Variants in SCNN1B observed in about 807,000 individuals in gnomAD.
SCNN1B encodes the protein epithelial sodium channel subunit beta.
Under a neutral mutation model 65.3 loss-of-function variants are expected in SCNN1B, and 46 were observed. The observed-to-expected ratio is 0.70, with a 90% CI of 0.56 to 0.90. The LOEUF (loss-of-function observed/expected upper bound fraction) is 0.90. SCNN1B is among the 40% of genes least tolerant of loss of function. The pLI, the probability that SCNN1B is intolerant of heterozygous loss-of-function variation, is 0.00. For synonymous variants in SCNN1B, 349 were observed against 330.6 expected (o/e 1.06, Z -0.60); for missense variants, 751 against 830.5 (o/e 0.90, Z 1.18).
At chr16:23,333,135 GAGGAAGGAAGGAAAGA>G (rs1476903623) in intron 1 of SCNN1B, among the ~76,000 whole-genome samples, 12 of 88,216 alleles carry the variant, frequency 1.4e-4, no homozygotes, top group East Asian at 1.0e-3. Flanking sequence ...GGGAGGGAGG[GAGGAAGGAAGGAAAGA>G]AGGAAGGAAG....
chr16:23,331,320 A>G (rs1286417131), intron 1 of SCNN1B, among the ~76,000 whole-genome samples: 1 of 144,598 alleles, frequency 6.9e-6, no homozygotes, highest in Non-Finnish European at 1.5e-5. Context: ...AGCTTTTCCT[A>G]GTCACTTTTT....
intron 1 of SCNN1B, among the ~76,000 whole-genome samples, chr16:23,333,748 G>A (rs1217930759): frequency 6.6e-6 from 1 of 152,156 alleles, no homozygotes; most frequent in Non-Finnish European, 1.5e-5. Flanking sequence ...AAGGTGGGGG[G>A]ATTGCTTGAG....
chr16:23,290,045 A>G (rs1407839246), intron 2 of SCNN1B, among the ~76,000 whole-genome samples: 1 of 152,166 alleles, frequency 6.6e-6, no homozygotes, highest in East Asian at 1.9e-4. Flanking sequence ...AGGCTGGGGG[A>G]AAACAACAGA....
At chr16:23,318,072 T>C (rs985986033) in intron 1 of SCNN1B, among the ~76,000 whole-genome samples, 13 of 152,246 alleles carry the variant, frequency 8.5e-5, no homozygotes, top group African/African-American at 3.1e-4. Context: ...CCAGGTTTGC[T>C]GCCCAAGGCT....
chr16:23,370,452 A>T (rs141231076), intron 5 of SCNN1B, among the ~76,000 whole-genome samples: 127 of 152,306 alleles, frequency 8.3e-4, no homozygotes, highest in African/African-American at 3.0e-3. Flanking sequence ...CCCCGCAGGT[A>T]GCAAGTGCTC....
chr16:23,352,956 G>A lies in SCNN1B; in HGVS notation c.467G>A (p.Arg156Gln), dbSNP rs765336896. Residue 156 changes from arginine (R) to glutamine (Q), a missense_variant, in exon 3 of 13, where the codon CGG (arginine) becomes CAG (glutamine). By Grantham distance (43) the Arg-to-Gln change is conservative. Coordinates refer to ENST00000343070, the MANE Select transcript of SCNN1B (RefSeq NM_000336.3). ...ACACCCCTGGTCCTTATTGATGAAC[G>A]GAACCCCCACCACCCCATGGTCCTT... ...NHTPLVLIDERNPHHPMVLDL... is the reference protein window; with the variant it reads ...NHTPLVLIDEQNPHHPMVLDL... 3.0e-5 allele frequency: 48 copies of A among 1,614,000 alleles called. No individual in the cohort carries two copies. The highest frequency in any genetic ancestry group is 2.8e-4 in the Admixed American group (17 of 59,982).
rs772470451 is a variant in SCNN1B, at chr16:23,348,882, G to T, written c.283G>T (p.Val95Phe). Residue 95 changes from valine (V) to phenylalanine (F), a missense_variant, in exon 2 of 13, where the codon GTC (valine) becomes TTC (phenylalanine). Transcript: ENST00000343070. This position sits in a 1 kb window ranked among gnomAD's most constrained non-coding sequence, Gnocchi z 4.5. ...VGFKTMDFPA[V>F]TICNASPFKY... Reference sequence around the variant, plus strand: ...CTTCAAGACCATGGACTTCCCTGCCGTCACCATCTGCAATGCTAGCCCCTT... The same window carrying T: ...CTTCAAGACCATGGACTTCCCTGCCTTCACCATCTGCAATGCTAGCCCCTT... 1.2e-6 allele frequency: 2 copies of T among 1,614,152 alleles called. No individual in the cohort carries two copies. The highest frequency in any genetic ancestry group is 2.7e-5 in the African/African-American group (2 of 75,034).
At chr16:23,323,848 A>G (rs984788040) in intron 1 of SCNN1B, among the ~76,000 whole-genome samples, 6 of 152,190 alleles carry the variant, frequency 3.9e-5, no homozygotes, top group Non-Finnish European at 8.8e-5. Context: ...TGAATCTTTC[A>G]TTTACCAAGC....
intron 2 of SCNN1B, among the ~76,000 whole-genome samples, chr16:23,294,646 A>G (rs1435602671): frequency 6.6e-6 from 1 of 151,990 alleles, no homozygotes; most frequent in Non-Finnish European, 1.5e-5. Flanking sequence ...GCCAACCTCC[A>G]TACCTCCTTT....
At chr16:23,375,349 C>T (rs1567318013) in intron 7 of SCNN1B, among the ~76,000 whole-genome samples, 1 of 152,186 alleles carries the variant, frequency 6.6e-6, no homozygotes, top group African/African-American at 2.4e-5. Flanking sequence ...TGTCAGGGTG[C>T]ATCTGTGTCA....
chr16:23,300,994 G>A (rs1961069046), upstream of SCNN1B, among the ~76,000 whole-genome samples: 3 of 43,694 alleles, frequency 6.9e-5, no homozygotes, highest in South Asian at 8.0e-4. Flanking sequence ...TTAAAAACAC[G>A]TGTGTGTGTG....
At chr16:23,301,397 T>G (rs1455244231), upstream of SCNN1B, among the ~76,000 whole-genome samples, 473 of 106,278 alleles carry the variant, frequency 4.5e-3, no homozygotes, top group African/African-American at 8.1e-3. Context: ...AAGAGAGAGG[T>G]AGGGAGGGAG....
chr16:23,312,276 A>G (rs1961361681), intron 1 of SCNN1B, among the ~76,000 whole-genome samples: 1 of 152,142 alleles, frequency 6.6e-6, no homozygotes, highest in Admixed American at 6.5e-5. Flanking sequence ...GGCTCCTTAA[A>G]GCATTAAGGG....
rs753802362 is a variant in SCNN1B, at chr16:23,346,200, C to CTTTTTTTTTTTTTTTTTTTTTTTT, written c.-8-2386_-8-2363dup. ...CCATGGAACACCCTTTTTTCCTTTT[C>CTTTTTTTTTTTTTTTTTTTTTTTT]TTTTTTTTTTTTTTTTTTTTTTTTT... On this transcript the variant is annotated intron_variant, in intron 1 of 12. Transcript: ENST00000343070. 5.0e-4 allele frequency among the ~76,000 whole-genome samples: 39 copies of CTTTTTTTTTTTTTTTTTTTTTTTT among 78,012 alleles called. 5 individuals are homozygous for CTTTTTTTTTTTTTTTTTTTTTTTT. The highest frequency in any genetic ancestry group is 6.1e-4 in the Non-Finnish European group (27 of 43,988). 51.2% of individuals were successfully genotyped at this position (78,012 alleles called of 152,430 possible). A position where few individuals can be genotyped will look rare whatever the true frequency, so the allele number is the denominator to read the frequency against.
At chr16:23,286,951 T>TTTG (rs565907237) in intron 2 of SCNN1B, among the ~76,000 whole-genome samples, 31 of 151,930 alleles carry the variant, frequency 2.0e-4, no homozygotes, top group Middle Eastern at 3.4e-3. Flanking sequence ...TATTTAGTTT[T>TTTG]TTGTTGTTGT....
intron 1 of SCNN1B, among the ~76,000 whole-genome samples, chr16:23,279,062 T>G (rs1960746415): frequency 6.9e-6 from 1 of 145,326 alleles, no homozygotes; most frequent in Non-Finnish European, 1.5e-5. Context: ...TCTGAAAATT[T>G]TGTGTGTGTG....
intron 2 of SCNN1B, among the ~76,000 whole-genome samples, chr16:23,289,449 G>C (rs185921775): frequency 6.6e-6 from 1 of 152,058 alleles, no homozygotes; most frequent in East Asian, 1.9e-4. Flanking sequence ...TACTCAGGAG[G>C]CTGAAGCTGG....
At position 23,348,456 on chromosome 16, in the gene SCNN1B, G is replaced by A. The variant is rs1962233056; in HGVS notation, c.-8-136G>A. 1.5e-6 allele frequency: 1 copy of A among 689,226 alleles called. No individual in the cohort carries two copies. Among genetic ancestry groups the A allele is most frequent in the Non-Finnish European group, 2.4e-6 (1 of 410,502 alleles). 42.7% of individuals were successfully genotyped at this position (689,226 alleles called of 1,614,324 possible). Reference sequence around the variant, plus strand: ...GGAAGGAAGAAAAGAAGGAAAAAAGGGAGGGAGGGAGGGGGGAGGGTAAAG... The same window carrying A: ...GGAAGGAAGAAAAGAAGGAAAAAAGAGAGGGAGGGAGGGGGGAGGGTAAAG... On this transcript the variant is annotated intron_variant, in intron 1 of 12. Coordinates refer to ENST00000343070, the MANE Select transcript of SCNN1B (RefSeq NM_000336.3). The surrounding 1 kb of genome is among the most constrained non-coding windows in gnomAD (Gnocchi z 4.5).
At chr16:23,364,622 G>A (rs531099604) in intron 4 of SCNN1B, among the ~76,000 whole-genome samples, 1 of 152,342 alleles carries the variant, frequency 6.6e-6, no homozygotes, top group African/African-American at 2.4e-5. Context: ...GCTCCAGCAA[G>A]AATCCAGACA....
Sources: allele counts gnomAD v4.1 joint callset (sites outside exome capture counted in the v4.1 genomes callset), GRCh38; gene constraint gnomAD v4.1.1; non-coding constraint Gnocchi (gnomAD v3.1); transcripts MANE v1.5; gene names NCBI Gene and HGNC (gene_info 2026-07-23, HGNC 2026-07-21).